The following SEC24B variants were observed in gnomAD, a reference collection of about 807,000 sequenced individuals.
SEC24B encodes the protein SEC24 homolog B, COPII component.
In SEC24B, 45 loss-of-function variants were observed where a neutral mutation model predicts 142.8. That is an observed-to-expected ratio of 0.32 (90% CI 0.25 to 0.40). SEC24B has a LOEUF of 0.40. Among genes scored for constraint, SEC24B ranks in the 10% least tolerant of loss-of-function variants. SEC24B has a pLI of 1.00. For synonymous variants in SEC24B, 574 were observed against 568.2 expected (o/e 1.01, Z -0.15); for missense variants, 1,409 against 1,526.8 (o/e 0.92, Z 1.29).
intron 20 of SEC24B, among the ~76,000 whole-genome samples, chr4:109,532,410 G>T (rs1440544897): frequency 6.6e-6 from 1 of 152,092 alleles, no homozygotes; most frequent in Non-Finnish European, 1.5e-5. Context: ...AAAGGGAAGG[G>T]AATGTGACAG....
At chr4:109,491,206 T>C in intron 4 of SEC24B, 121 bp from the exon 5 acceptor site, 2 of 683,014 alleles carry the variant, frequency 2.9e-6, no homozygotes, top group Non-Finnish European at 5.0e-6. Flanking sequence ...ATCATTTTAC[T>C]TTTTTACTAG....
At chr4:109,456,414 C>T (rs1730701746) in intron 1 of SEC24B, among the ~76,000 whole-genome samples, 2 of 143,016 alleles carry the variant, frequency 1.4e-5, no homozygotes, top group Non-Finnish European at 3.0e-5. Flanking sequence ...GGGGCTGTTA[C>T]ATCTTGTACA....
chr4:109,448,343 G>A (rs1038534705), intron 1 of SEC24B, among the ~76,000 whole-genome samples: 23 of 151,932 alleles, frequency 1.5e-4, no homozygotes, highest in African/African-American at 5.6e-4. Context: ...CTCTGGCTAC[G>A]TTTGGTGTGT....
In SEC24B at chr4:109,440,848, C is replaced by T. The variant is rs149574986; in HGVS notation, c.133+6846C>T. Among the ~76,000 whole-genome samples, 302 of 152,304 alleles carry T rather than the reference C, an allele frequency of 2.0e-3. 3 individuals are homozygous for T. Among genetic ancestry groups the T allele is most frequent in the African/African-American group, 6.7e-3 (278 of 41,560 alleles). On this transcript the variant is annotated intron_variant, in intron 1 of 23. Transcript: ENST00000265175. ...TCCTATTCGTTATTGCTTTTGAAGA[C>T]TGGCCACTGACAGGAGTCTGTGTGC... is the stretch of plus-strand genomic sequence containing the variant.
chr4:109,488,505 A>G (rs1167936804), intron 4 of SEC24B, among the ~76,000 whole-genome samples: 1 of 152,132 alleles, frequency 6.6e-6, no homozygotes, highest in African/African-American at 2.4e-5. Context: ...TTATTTATCC[A>G]TTCATGAGTT....
chr4:109,526,771 A>C (rs1724277498), intron 17 of SEC24B, among the ~76,000 whole-genome samples: 1 of 152,196 alleles, frequency 6.6e-6, no homozygotes, highest in Non-Finnish European at 1.5e-5. Context: ...TATAGGATAT[A>C]ATTTAGAATG....
At chr4:109,525,199 T>C in intron 15 of SEC24B, 147 bp from the exon 16 acceptor site, 1 of 701,590 alleles carries the variant, frequency 1.4e-6, no homozygotes, top group Admixed American at 3.6e-5. Flanking sequence ...TAGATATTAC[T>C]GTTTTCTCAG....
chr4:109,465,738 A>G (rs978392030), intron 2 of SEC24B, among the ~76,000 whole-genome samples: 2 of 152,220 alleles, frequency 1.3e-5, no homozygotes, highest in Non-Finnish European at 2.9e-5. Context: ...TGGCTAATGA[A>G]CAGAACATGT....
At chr4:109,535,861 G>C (rs1232096965) in intron 22 of SEC24B, among the ~76,000 whole-genome samples, 1 of 138,078 alleles carries the variant, frequency 7.2e-6, no homozygotes, top group Non-Finnish European at 1.6e-5. Context: ...CAAAAAAAAA[G>C]TTACTTTGCT....
chr4:109,523,220 G>A (rs868691439), intron 14 of SEC24B, among the ~76,000 whole-genome samples: 27 of 151,968 alleles, frequency 1.8e-4, no homozygotes, highest in South Asian at 6.2e-4. Flanking sequence ...CTATAATCCC[G>A]GCACTTTGGG....
chr4:109,463,498 C>T lies in SEC24B; in HGVS notation c.731C>T (p.Pro244Leu), dbSNP rs370194534. The T allele has an allele frequency of 4.5e-5, 73 of 1,614,028 alleles. No individual in the cohort carries two copies. Among genetic ancestry groups the T allele is most frequent in the Non-Finnish European group, 6.2e-5 (73 of 1,180,034 alleles). Residue 244 changes from proline to leucine, a missense_variant, in exon 2 of 24, where the codon CCA becomes CTA. Transcript: ENST00000265175. Reference protein sequence around the residue: ...ISHPSPLPPLPSQQHHQQQSL... With the variant: ...ISHPSPLPPLLSQQHHQQQSL... The stretch of plus-strand genomic sequence containing the variant: ...CATCCATCGCCACTTCCACCTCTAC[C>T]ATCACAACAGCACCACCAGCAGCAA...
At chr4:109,520,904 A>G (rs1723534012) in intron 12 of SEC24B, among the ~76,000 whole-genome samples, 1 of 152,214 alleles carries the variant, frequency 6.6e-6, no homozygotes, top group Admixed American at 6.5e-5. Context: ...AGGCAGGAGA[A>G]TCGCTTGAAC....
intron 6 of SEC24B, among the ~76,000 whole-genome samples, chr4:109,496,513 G>T (rs1019739329): frequency 6.6e-6 from 1 of 152,180 alleles, no homozygotes; most frequent in African/African-American, 2.4e-5. Context: ...GAATGAAAAT[G>T]AGAAATAGGA....
At chr4:109,442,703 A>G (rs1221780462) in intron 1 of SEC24B, among the ~76,000 whole-genome samples, 2 of 152,190 alleles carry the variant, frequency 1.3e-5, no homozygotes, top group Admixed American at 6.5e-5. Flanking sequence ...TGATCATGCT[A>G]TTATGGAAAT....
chr4:109,533,985 G>A (rs1725212435), intron 22 of SEC24B, among the ~76,000 whole-genome samples: 1 of 151,420 alleles, frequency 6.6e-6, no homozygotes, highest in South Asian at 2.1e-4. Flanking sequence ...TTTGTATTTG[G>A]CTTCTTTCAC....
intron 1 of SEC24B, among the ~76,000 whole-genome samples, chr4:109,448,844 T>C (rs1397055592): frequency 1.3e-5 from 2 of 152,250 alleles, no homozygotes; most frequent in African/African-American, 4.8e-5. Flanking sequence ...AATGTCTTTT[T>C]TTCTGTTTCA....
chr4:109,524,097 A>G (rs1339767457), intron 14 of SEC24B, among the ~76,000 whole-genome samples: 1 of 152,176 alleles, frequency 6.6e-6, no homozygotes, highest in Non-Finnish European at 1.5e-5. Context: ...GCTGATATAT[A>G]TTTACTGAAT....
intron 22 of SEC24B, among the ~76,000 whole-genome samples, chr4:109,536,750 C>T (rs865904528): frequency 1.3e-5 from 2 of 151,824 alleles, no homozygotes; most frequent in East Asian, 1.9e-4. Flanking sequence ...AGGATGGTCT[C>T]GATCTCCTGA....
In SEC24B at chr4:109,525,549, A is replaced by G. The variant is rs116738519; in HGVS notation, c.2791+45A>G. On this transcript the variant is annotated intron_variant, in intron 16 of 23. Transcript: ENST00000265175. Reference sequence around the variant, plus strand: ...ATATTTTATATTAAATACTTGTATCAAAGTCAGTGAGCATTCCATGTATTG... The same window carrying G: ...ATATTTTATATTAAATACTTGTATCGAAGTCAGTGAGCATTCCATGTATTG... 2,439 of 1,368,734 alleles carry G rather than the reference A, an allele frequency of 1.8e-3. 47 individuals are homozygous for G. The African/African-American group carries it at 0.031, about 18-fold the overall frequency. The allele number at this position is 1,368,734 out of a possible 1,614,324, so 84.8% of individuals were successfully genotyped here.
Sources: allele counts gnomAD v4.1 joint callset (sites outside exome capture counted in the v4.1 genomes callset), GRCh38; gene constraint gnomAD v4.1.1; transcripts MANE v1.5; gene names NCBI Gene and HGNC (gene_info 2026-07-23, HGNC 2026-07-21).